The following SH3GL2 variants were observed in gnomAD, a reference collection of about 807,000 sequenced individuals.
The protein encoded by SH3GL2 is SH3 domain containing GRB2 like 2, endophilin A1.
Under a neutral mutation model 46.0 loss-of-function variants are expected in SH3GL2, and 24 were observed. That is an observed-to-expected ratio of 0.52 (90% CI 0.38 to 0.73). SH3GL2 has a LOEUF of 0.73. SH3GL2 is among the 30% of genes least tolerant of loss of function. The pLI, the probability that SH3GL2 is intolerant of heterozygous loss-of-function variation, is 0.00. For synonymous variants in SH3GL2, 196 were observed against 147.1 expected (o/e 1.33, Z -2.40); for missense variants, 413 against 424.2 (o/e 0.97, Z 0.23).
intron 1 of SH3GL2, among the ~76,000 whole-genome samples, chr9:17,603,876 C>G (rs1376906326): frequency 6.6e-6 from 1 of 152,072 alleles, no homozygotes; most frequent in South Asian, 2.1e-4. Context: ...AAAAAAGAAA[C>G]AAACAAAAGC....
At chr9:17,633,849 T>C (rs75523553) in intron 1 of SH3GL2, among the ~76,000 whole-genome samples, 6,973 of 152,258 alleles carry the variant, frequency 0.046, 247 homozygotes, top group East Asian at 0.19. Flanking sequence ...GCTGAAAGAA[T>C]ATTTCTAAGT....
intron 3 of SH3GL2, among the ~76,000 whole-genome samples, chr9:17,763,510 C>T (rs36048313): frequency 0.089 from 13,490 of 152,102 alleles, 771 homozygotes; most frequent in Non-Finnish European, 0.12. Context: ...TGAAGTTACA[C>T]GTCACGAGCA....
intron 1 of SH3GL2, among the ~76,000 whole-genome samples, chr9:17,617,264 A>C (rs1819026571): frequency 6.6e-6 from 1 of 152,200 alleles, no homozygotes. Flanking sequence ...ATGCTGCAGT[A>C]TATAAAGTTG....
intron 1 of SH3GL2, among the ~76,000 whole-genome samples, chr9:17,702,017 G>C (rs1423161552): frequency 6.6e-6 from 1 of 151,938 alleles, no homozygotes; most frequent in African/African-American, 2.4e-5. Flanking sequence ...AGGAAAACTA[G>C]CCCTAATATA....
At chr9:17,646,440 G>C (rs1819819771) in intron 1 of SH3GL2, among the ~76,000 whole-genome samples, 1 of 152,022 alleles carries the variant, frequency 6.6e-6, no homozygotes, top group South Asian at 2.1e-4. Context: ...GTGATCCTTT[G>C]GAGGAGAAGA....
chr9:17,603,198 T>G (rs1207219047), intron 1 of SH3GL2, among the ~76,000 whole-genome samples: 1 of 152,254 alleles, frequency 6.6e-6, no homozygotes, highest in East Asian at 1.9e-4. Context: ...TCAATTTGTC[T>G]TATTAAAAAG....
intron 1 of SH3GL2, among the ~76,000 whole-genome samples, chr9:17,689,280 A>G (rs984883625): frequency 2.0e-5 from 3 of 152,116 alleles, no homozygotes; most frequent in East Asian, 3.9e-4. Context: ...AGAAACTGTC[A>G]AACCAAGAGG....
At chr9:17,747,825 C>T (rs1822737898) in intron 2 of SH3GL2, among the ~76,000 whole-genome samples, 1 of 152,044 alleles carries the variant, frequency 6.6e-6, no homozygotes, top group Admixed American at 6.6e-5. Context: ...AGGCACGCAC[C>T]ACCACGTCTG....
Position 17,786,420 on chromosome 9 carries a change from A to C in SH3GL2, c.227A>C (p.Lys76Thr). Residue 76 changes from lysine to threonine, a missense_variant, in exon 4 of 9, where the codon AAA (lysine) becomes ACA (threonine). By Grantham distance (78) the Lys-to-Thr change is moderately conservative. Coordinates refer to ENST00000380607, the MANE Select transcript of SH3GL2 (RefSeq NM_003026.5). ...AKLSMINTMS[K>T]IRGQEKGPGY... ...CTCAGCATGATCAACACCATGTCAA[A>C]AATCCGTGGCCAGGAGAAGGGGCCA... is the stretch of plus-strand genomic sequence containing the variant. 6.2e-7 allele frequency: 1 copy of C among 1,613,398 alleles called. No homozygotes were observed. The highest frequency in any genetic ancestry group is 8.5e-7 in the Non-Finnish European group (1 of 1,179,614).
chr9:17,750,137 A>G (rs572809949), intron 2 of SH3GL2, among the ~76,000 whole-genome samples: 1 of 152,266 alleles, frequency 6.6e-6, no homozygotes, highest in East Asian at 1.9e-4. Context: ...TGGTAATTGA[A>G]AAGCACTTGC....
chr9:17,744,336 C>A (rs1189713930), intron 1 of SH3GL2, among the ~76,000 whole-genome samples: 1 of 151,878 alleles, frequency 6.6e-6, no homozygotes, highest in East Asian at 1.9e-4. Context: ...TAACTTAAAC[C>A]TGAATATGCT....
intron 1 of SH3GL2, among the ~76,000 whole-genome samples, chr9:17,620,734 G>A (rs955663180): frequency 2.6e-5 from 4 of 152,252 alleles, no homozygotes; most frequent in Non-Finnish European, 5.9e-5. Context: ...TGGAGGGAGA[G>A]GGAGAAGTCA....
chr9:17,773,648 C>A (rs1028722086), intron 3 of SH3GL2, among the ~76,000 whole-genome samples: 2 of 152,124 alleles, frequency 1.3e-5, no homozygotes, highest in Non-Finnish European at 2.9e-5. Context: ...GCCCTCTGCT[C>A]TGTTCCCTTG....
intron 3 of SH3GL2, among the ~76,000 whole-genome samples, chr9:17,763,651 A>G (rs1012436729): frequency 1.4e-4 from 21 of 152,324 alleles, no homozygotes; most frequent in African/African-American, 3.4e-4. Flanking sequence ...GAGGGAATCA[A>G]TTCTTTTCTT....
intron 1 of SH3GL2, among the ~76,000 whole-genome samples, chr9:17,659,210 C>T (rs1340155112): frequency 6.6e-6 from 1 of 152,132 alleles, no homozygotes. Flanking sequence ...ACTGGGATCC[C>T]ATATTATAGA....
intron 1 of SH3GL2, among the ~76,000 whole-genome samples, chr9:17,628,895 C>T (rs548607583): frequency 6.6e-6 from 1 of 152,168 alleles, no homozygotes; most frequent in Non-Finnish European, 1.5e-5. Flanking sequence ...AAGTAACACT[C>T]ACTCTAGCAC....
chr9:17,736,918 G>T (rs1822353395), intron 1 of SH3GL2, among the ~76,000 whole-genome samples: 3 of 152,086 alleles, frequency 2.0e-5, no homozygotes, highest in African/African-American at 7.2e-5. Context: ...AACAGAGCAG[G>T]ACTGTTCACA....
At chr9:17,760,744 T>A (rs1823146082) in intron 2 of SH3GL2, among the ~76,000 whole-genome samples, 1 of 152,150 alleles carries the variant, frequency 6.6e-6, no homozygotes, top group Non-Finnish European at 1.5e-5. Flanking sequence ...CAGATGCTGA[T>A]AAGAAAAGGA....
At chr9:17,748,375 T>G (rs981836104) in intron 2 of SH3GL2, among the ~76,000 whole-genome samples, 5 of 152,194 alleles carry the variant, frequency 3.3e-5, no homozygotes, top group Non-Finnish European at 7.3e-5. Context: ...AATATTGCTT[T>G]TGTACTTCGT....
Sources: allele counts gnomAD v4.1 joint callset (sites outside exome capture counted in the v4.1 genomes callset), GRCh38; gene constraint gnomAD v4.1.1; transcripts MANE v1.5; gene names NCBI Gene and HGNC (gene_info 2026-07-23, HGNC 2026-07-21).